Variants in ITPR2 observed in about 807,000 individuals in gnomAD.
ITPR2 encodes inositol 1,4,5-trisphosphate-gated calcium channel ITPR2.
Under a neutral mutation model 317.1 loss-of-function variants are expected in ITPR2, and 207 were observed. The observed-to-expected ratio is 0.65, with a 90% CI of 0.58 to 0.73. The LOEUF (loss-of-function observed/expected upper bound fraction) is 0.73. Among genes scored for constraint, ITPR2 ranks in the 30% least tolerant of loss-of-function variants. ITPR2 has a pLI of 0.00. For synonymous variants in ITPR2, 1,156 were observed against 1,149.1 expected (o/e 1.01, Z -0.12); for missense variants, 2,613 against 3,284.0 (o/e 0.80, Z 4.99).
At chr12:26,535,480 A>G (rs1367041228) in intron 37 of ITPR2, among the ~76,000 whole-genome samples, 1 of 152,216 alleles carries the variant, frequency 6.6e-6, no homozygotes, top group Non-Finnish European at 1.5e-5. Flanking sequence ...GATGCATCAA[A>G]TATCACTGGA....
intron 45 of ITPR2, among the ~76,000 whole-genome samples, chr12:26,453,464 G>C (rs553298096): frequency 6.6e-6 from 1 of 152,204 alleles, no homozygotes; most frequent in African/African-American, 2.4e-5. Context: ...TGTGTAGTGG[G>C]GTTATCTAAA....
At chr12:26,715,507 G>A in intron 7 of ITPR2, 62 bp from the exon 8 acceptor site, 1 of 1,480,516 alleles carries the variant, frequency 6.8e-7, no homozygotes, top group Non-Finnish European at 9.2e-7. Context: ...TCTCTTTCTG[G>A]TTTTGCTACT....
chr12:26,495,511 A>G (rs909489667), intron 37 of ITPR2: 3 of 380,540 alleles, frequency 7.9e-6, no homozygotes, highest in African/African-American at 4.1e-5. Flanking sequence ...TATGGCAGAT[A>G]TTGTGGTGGT....
intron 20 of ITPR2, 45 bp from the exon 21 acceptor site, chr12:26,654,171 G>T: frequency 7.1e-7 from 1 of 1,416,604 alleles, no homozygotes; most frequent in Non-Finnish European, 9.4e-7. Context: ...TGAAAGAGTG[G>T]AAAAAAAAAT....
rs1157498435 is a variant in ITPR2, at chr12:26,589,786, CA to C, written c.4380+5678del. Among the ~76,000 whole-genome samples, 7 of 36,204 alleles carry C rather than the reference CA, an allele frequency of 1.9e-4. 1 individual carries two copies. The highest frequency in any genetic ancestry group is 9.9e-4 in the East Asian group (3 of 3,024). The allele number at this position is 36,204 out of a possible 152,430, so 23.8% of individuals were successfully genotyped here. On this transcript the variant is annotated intron_variant, in intron 32 of 56. Transcript: ENST00000381340. The stretch of plus-strand genomic sequence containing the variant: ...TGAGTGAAAGAACGAAACTCTGTTT[CA>C]AAAAAAAAAATAAATAAATAAAAAA...
At chr12:26,536,583 C>T (rs559276563) in intron 37 of ITPR2, among the ~76,000 whole-genome samples, 1 of 152,270 alleles carries the variant, frequency 6.6e-6, no homozygotes, top group East Asian at 1.9e-4. Flanking sequence ...CATTGGGATG[C>T]CTGAATTAGC....
chr12:26,340,030 T>C (rs1938053197), intron 56 of ITPR2, 137 bp downstream of exon 56: 1 of 761,434 alleles, frequency 1.3e-6, no homozygotes, highest in South Asian at 2.4e-5. Flanking sequence ...GGTTCTACAG[T>C]ACAACGTGAG....
chr12:26,381,840 C>CA (rs1939518532), intron 55 of ITPR2, among the ~76,000 whole-genome samples: 1 of 152,234 alleles, frequency 6.6e-6, no homozygotes, highest in Non-Finnish European at 1.5e-5. Flanking sequence ...GCTCTCCAGA[C>CA]ACGCATGCCG....
At chr12:26,568,377 A>C (rs1945068775) in intron 34 of ITPR2, among the ~76,000 whole-genome samples, 1 of 152,004 alleles carries the variant, frequency 6.6e-6, no homozygotes, top group Non-Finnish European at 1.5e-5. Flanking sequence ...CTGCCTAGAG[A>C]TAACAGTTCT....
At chr12:26,693,454 C>T (rs918802693) in intron 10 of ITPR2, among the ~76,000 whole-genome samples, 1 of 152,114 alleles carries the variant, frequency 6.6e-6, no homozygotes, top group Non-Finnish European at 1.5e-5. Context: ...GGATTGGTTC[C>T]AGGACCCCCT....
At chr12:26,771,658 G>C (rs1482026937) in intron 2 of ITPR2, among the ~76,000 whole-genome samples, 2 of 152,134 alleles carry the variant, frequency 1.3e-5, no homozygotes, top group Non-Finnish European at 2.9e-5. Flanking sequence ...GGGACTACAG[G>C]TGCCCAACAC....
intron 46 of ITPR2, among the ~76,000 whole-genome samples, chr12:26,441,160 G>T (rs1170889664): frequency 1.3e-5 from 2 of 152,070 alleles, no homozygotes; most frequent in African/African-American, 4.8e-5. Flanking sequence ...TTTAAAAAAA[G>T]TTTCTAATTA....
intron 34 of ITPR2, among the ~76,000 whole-genome samples, chr12:26,565,466 G>T (rs1944925389): frequency 6.6e-6 from 1 of 150,850 alleles, no homozygotes; most frequent in Non-Finnish European, 1.5e-5. Context: ...AAAAAAATTG[G>T]ATGAATAGAT....
At chr12:26,617,111 G>A (rs1946389340) in intron 26 of ITPR2, among the ~76,000 whole-genome samples, 1 of 152,226 alleles carries the variant, frequency 6.6e-6, no homozygotes, top group Admixed American at 6.5e-5. Context: ...ATTTTCAACT[G>A]TGCGGGAGGG....
intron 6 of ITPR2, 101 bp from the exon 7 acceptor site, chr12:26,715,936 A>C: frequency 2.3e-6 from 2 of 873,204 alleles, no homozygotes. Flanking sequence ...ACAATTTTGG[A>C]TAATGAAGTA....
At chr12:26,409,986 C>T (rs1940489237) in intron 52 of ITPR2, among the ~76,000 whole-genome samples, 1 of 152,150 alleles carries the variant, frequency 6.6e-6, no homozygotes, top group African/African-American at 2.4e-5. Flanking sequence ...ACAGCTGAAC[C>T]AGTGAAGAAT....
intron 52 of ITPR2, among the ~76,000 whole-genome samples, chr12:26,409,523 G>T (rs1940471205): frequency 6.6e-6 from 1 of 151,816 alleles, no homozygotes; most frequent in African/African-American, 2.4e-5. Flanking sequence ...CTAGAACAGA[G>T]GTTGGCAAAA....
intron 32 of ITPR2, among the ~76,000 whole-genome samples, chr12:26,580,471 G>T (rs944486766): frequency 4.6e-5 from 7 of 152,082 alleles, no homozygotes; most frequent in African/African-American, 1.7e-4. Flanking sequence ...GCTTGGCTTT[G>T]CTGGAGAACA....
At chr12:26,781,459 G>A (rs1950075383) in intron 2 of ITPR2, among the ~76,000 whole-genome samples, 1 of 152,066 alleles carries the variant, frequency 6.6e-6, no homozygotes. Context: ...CAGCATTTAA[G>A]TATTCTTAAC....
Sources: allele counts gnomAD v4.1 joint callset (sites outside exome capture counted in the v4.1 genomes callset), GRCh38; gene constraint gnomAD v4.1.1; transcripts MANE v1.5; gene names NCBI Gene and HGNC (gene_info 2026-07-23, HGNC 2026-07-21).